NFAT5: variants seen among roughly 807,000 people sequenced by gnomAD.
NFAT5 encodes nuclear factor of activated T cells 5.
A neutral mutation model predicts 166.5 loss-of-function variants in NFAT5; 31 were observed. The ratio of observed to expected loss-of-function variants is 0.19; its 90% CI spans 0.14 to 0.25. The LOEUF is 0.25. Ranked by LOEUF, NFAT5 falls within the 10% of genes least tolerant of loss-of-function variation. The pLI is 1.00. For missense variants in NFAT5, 1,449 were observed against 1,821.8 expected, an observed-to-expected ratio of 0.80 and a Z score of 3.72; for synonymous variants, 612 against 639.7, an observed-to-expected ratio of 0.96 and a Z score of 0.65.
chr16:69,649,198 C>T, intron 4 of NFAT5: 1 of 960,740 alleles, frequency 1.0e-6, no homozygotes, highest in Non-Finnish European at 1.2e-6. Context: ...GTGATAGTAA[C>T]ACAGATCTAA....
intron 11 of NFAT5, among the ~76,000 whole-genome samples, chr16:69,689,751 G>A (rs2037475577): frequency 6.6e-6 from 1 of 152,098 alleles, no homozygotes; most frequent in South Asian, 2.1e-4. Flanking sequence ...CACCATGTTG[G>A]CCAGGCTGGT....
chr16:69,586,592 G>C (rs1448628978), intron 2 of NFAT5, among the ~76,000 whole-genome samples: 1 of 151,906 alleles, frequency 6.6e-6, no homozygotes, highest in African/African-American at 2.4e-5. Flanking sequence ...TAGTAGAGAC[G>C]AGGTTTTGCT....
chr16:69,648,589 T>C, intron 4 of NFAT5: 1 of 984,750 alleles, frequency 1.0e-6, no homozygotes, highest in African/African-American at 1.7e-5. Flanking sequence ...TCAATAGCTA[T>C]GTTACAGAAT....
chr16:69,652,125 A>G (rs186952726), intron 4 of NFAT5, among the ~76,000 whole-genome samples: 1 of 152,166 alleles, frequency 6.6e-6, no homozygotes, highest in African/African-American at 2.4e-5. Context: ...CACATAGCAA[A>G]TGCATTATAA....
chr16:69,687,917 G>A (rs112608019), intron 11 of NFAT5, among the ~76,000 whole-genome samples: 27,208 of 151,878 alleles, frequency 0.18, 2,651 homozygotes, highest in East Asian at 0.38. Context: ...GAGTTTGGCC[G>A]GGCGCGGTGG....
chr16:69,652,986 G>A (rs779128003), intron 4 of NFAT5, among the ~76,000 whole-genome samples: 2 of 151,918 alleles, frequency 1.3e-5, no homozygotes, highest in East Asian at 1.9e-4. Context: ...ACTCACATAC[G>A]TTCATTTTCT....
chr16:69,618,041 C>T (rs1387919859), intron 2 of NFAT5, among the ~76,000 whole-genome samples: 1 of 151,738 alleles, frequency 6.6e-6, no homozygotes, highest in East Asian at 2.0e-4. Flanking sequence ...GCCTGTAATC[C>T]CAGCTATTTG....
intron 10 of NFAT5, among the ~76,000 whole-genome samples, chr16:69,681,917 G>GAA (rs763455010): frequency 9.8e-5 from 10 of 102,272 alleles, no homozygotes; most frequent in Non-Finnish European, 1.5e-4. Context: ...GACTCCATCT[G>GAA]AAAAAAAAAA....
intron 3 of NFAT5, among the ~76,000 whole-genome samples, chr16:69,640,270 T>G (rs2151607630): frequency 6.6e-6 from 1 of 152,354 alleles, no homozygotes; most frequent in African/African-American, 2.4e-5. Context: ...GGTCTCGTTT[T>G]CAGACTTCTT....
At chr16:69,680,966 G>C (rs1052475577) in intron 10 of NFAT5, among the ~76,000 whole-genome samples, 7 of 152,060 alleles carry the variant, frequency 4.6e-5, no homozygotes, top group Middle Eastern at 3.2e-3. Context: ...CACCATGTTG[G>C]CCAGGCTGGT....
rs555554657 is a variant in NFAT5, at chr16:69,574,754, T to C, written c.127+6206T>C. 1.1e-3 allele frequency among the ~76,000 whole-genome samples: 166 copies of C among 152,038 alleles called. 1 individual carries two copies. In the Middle Eastern group the frequency reaches 0.024, roughly 22 times the overall value. On this transcript the variant is annotated intron_variant, in intron 2 of 14. Coordinates refer to ENST00000349945, the MANE Select transcript of NFAT5 (RefSeq NM_138713.4). ...CACAATCTTGGCTTATTGCAACCTC[T>C]GTCACCCAGGTTCAAGCAATTCTCC...
chr16:69,608,703 C>T (rs2033548233), intron 2 of NFAT5, among the ~76,000 whole-genome samples: 1 of 151,532 alleles, frequency 6.6e-6, no homozygotes, highest in South Asian at 2.1e-4. Context: ...CAAGCTCTGC[C>T]TCCTGGGTTC....
chr16:69,636,866 A>G (rs1329098648), intron 3 of NFAT5, among the ~76,000 whole-genome samples: 2 of 152,204 alleles, frequency 1.3e-5, no homozygotes, highest in African/African-American at 2.4e-5. Context: ...CTTGGGGATT[A>G]TTAACATTAG....
At chr16:69,648,660 A>G (rs1379638748) in intron 4 of NFAT5, 2 of 967,322 alleles carry the variant, frequency 2.1e-6, no homozygotes, top group Non-Finnish European at 2.5e-6. Context: ...TTATTGTAAT[A>G]TTTAATTGCT....
rs1188158260 is a variant in NFAT5 at position 69,688,202 on chromosome 16, C to CAAAAAAAAA, written c.1775-2722_1775-2714dup. 9.3e-4 allele frequency among the ~76,000 whole-genome samples: 46 copies of CAAAAAAAAA among 49,494 alleles called. 3 individuals carry two copies. Among genetic ancestry groups the CAAAAAAAAA allele is most frequent in the East Asian group, 8.0e-3 (8 of 1,002 alleles). The allele number at this position is 49,494 out of a possible 152,430, so 32.5% of individuals were successfully genotyped here. ...TGGGCGACAGAGCGAGACTCCGTCT[C>CAAAAAAAAA]AAAAAAAAAAAAAAAAAAAAAAAAC... On this transcript the variant is annotated intron_variant, in intron 11 of 14. Coordinates refer to ENST00000349945, the MANE Select transcript of NFAT5 (RefSeq NM_138713.4).
Position 69,693,863 on chromosome 16 carries a change from G to C in NFAT5, c.4038G>C (p.Gln1346His), listed in dbSNP as rs770355274. 3 of 1,614,182 alleles carry C rather than the reference G, an allele frequency of 1.9e-6. No individual in the cohort carries two copies. The South Asian group carries it at 3.3e-5, about 18-fold the overall frequency. The change falls in exon 13 of 15, where the codon CAG becomes CAC. Residue 1346 changes from glutamine to histidine, a missense_variant. Gln to His is a conservative substitution (Grantham distance 24). This residue lies in a region of NFAT5 where 891 missense variants were observed against 993.0 expected (regional missense o/e 0.90). Coordinates refer to ENST00000349945, the MANE Select transcript of NFAT5 (RefSeq NM_138713.4). ...AAGAGCAACAGCCCATGCAATTTCAGAGTCAGTCCACAGTTTCCTCACTTC... is the reference window on the plus strand; with the variant it reads ...AAGAGCAACAGCCCATGCAATTTCACAGTCAGTCCACAGTTTCCTCACTTC... ...MNQEQQPMQFQSQSTVSSLQN... is the reference protein window; with the variant it reads ...MNQEQQPMQFHSQSTVSSLQN...
At position 69,607,519 on chromosome 16, in the gene NFAT5, C is replaced by G. The variant is rs147867155; in HGVS notation, c.128-18884C>G. 2.0e-5 allele frequency among the ~76,000 whole-genome samples: 3 copies of G among 152,332 alleles called. No individual in the cohort carries two copies. The East Asian group carries it at 5.8e-4, about 29-fold the overall frequency. ...CTTTTAACAATGATATTGACAACCT[C>G]TAATACTAGAACCTTTATCCCCTGA... On this transcript the variant is annotated intron_variant, in intron 2 of 14. Coordinates refer to ENST00000349945, the MANE Select transcript of NFAT5 (RefSeq NM_138713.4).
chr16:69,678,208 A>AT (rs111552608), intron 10 of NFAT5, among the ~76,000 whole-genome samples: 168 of 147,244 alleles, frequency 1.1e-3, no homozygotes, highest in Middle Eastern at 7.1e-3. Flanking sequence ...GAGGAACTAA[A>AT]TTTTTTTTTT....
In NFAT5 at chr16:69,693,552, C is replaced by G; in HGVS notation, c.3727C>G (p.Gln1243Glu). ...LGSLPPNPMP[Q>E]SQQGTMFQSQ... ...CTCCCTTCCACCTAATCCAATGCCTCAAAGCCAACAAGGAACCATGTTCCA... is the reference window on the plus strand; with the variant it reads ...CTCCCTTCCACCTAATCCAATGCCTGAAAGCCAACAAGGAACCATGTTCCA... Residue 1243 changes from glutamine (Q) to glutamate (E), a missense_variant, in exon 13 of 15, where the codon CAA (glutamine) becomes GAA (glutamate). Physicochemically the swap from Gln to Glu is conservative, Grantham distance 29. This residue lies in a region of NFAT5 where 891 missense variants were observed against 993.0 expected (regional missense o/e 0.90). Transcript: ENST00000349945. The G allele has an allele frequency of 6.2e-7, 1 of 1,614,154 alleles. No individual in the cohort carries two copies. The highest frequency in any genetic ancestry group is 1.1e-5 in the South Asian group (1 of 91,078).
Sources: allele counts gnomAD v4.1 joint callset (sites outside exome capture counted in the v4.1 genomes callset), GRCh38; gene constraint gnomAD v4.1.1; regional missense constraint gnomAD v4.1.1; transcripts MANE v1.5; gene names NCBI Gene and HGNC (gene_info 2026-07-23, HGNC 2026-07-21).